Variants in CDK17 observed in about 807,000 individuals in gnomAD.
The protein encoded by CDK17 is cyclin-dependent kinase 17.
A neutral mutation model predicts 77.6 loss-of-function variants in CDK17; 24 were observed. The ratio of observed to expected loss-of-function variants is 0.31; its 90% CI spans 0.22 to 0.44. CDK17 has a LOEUF of 0.44. Ranked by LOEUF, CDK17 falls within the 20% of genes least tolerant of loss-of-function variation. CDK17 has a pLI of 1.00. For missense variants in CDK17, 429 were observed against 622.5 expected (o/e 0.69, Z 3.31); for synonymous variants, 203 against 210.4 (o/e 0.96, Z 0.30).
At chr12:96,332,027 G>A (rs1312837732) in intron 2 of CDK17, among the ~76,000 whole-genome samples, 7 of 152,198 alleles carry the variant, frequency 4.6e-5, no homozygotes, top group Non-Finnish European at 1.0e-4. Flanking sequence ...AGTGATGCCA[G>A]TGATGCCACA....
intron 1 of CDK17, among the ~76,000 whole-genome samples, chr12:96,347,705 C>T (rs941018044): frequency 8.6e-5 from 13 of 150,690 alleles, no homozygotes; most frequent in African/African-American, 3.2e-4. Flanking sequence ...TGTATTAGAC[C>T]TATCAGATAT....
chr12:96,361,653 T>C (rs1305538831), intron 1 of CDK17, among the ~76,000 whole-genome samples: 1 of 152,210 alleles, frequency 6.6e-6, no homozygotes, highest in African/African-American at 2.4e-5. Context: ...AATAACGGTA[T>C]CTATTTTAAT....
chr12:96,360,144 C>T (rs10745759), intron 1 of CDK17, among the ~76,000 whole-genome samples: 130,721 of 152,162 alleles, frequency 0.86, 56,181 homozygotes, highest in African/African-American at 0.87. Context: ...GAGAGGAAAG[C>T]ATACTGCAAT....
intron 1 of CDK17, among the ~76,000 whole-genome samples, chr12:96,362,606 A>T (rs1016391353): frequency 3.9e-5 from 6 of 152,116 alleles, no homozygotes; most frequent in African/African-American, 1.4e-4. Flanking sequence ...TTCATCTGTA[A>T]ATCACCCAAC....
chr12:96,329,587 T>A (rs1465141865), intron 2 of CDK17, among the ~76,000 whole-genome samples: 1 of 152,208 alleles, frequency 6.6e-6, no homozygotes, highest in Non-Finnish European at 1.5e-5. Flanking sequence ...CCTGATCCCA[T>A]TCTAGATCCT....
intron 1 of CDK17, among the ~76,000 whole-genome samples, chr12:96,351,154 G>C (rs1201214705): frequency 1.3e-5 from 2 of 152,128 alleles, no homozygotes; most frequent in African/African-American, 4.8e-5. Context: ...TACCCACTAG[G>C]ATGGCTACTA....
chr12:96,282,646 T>C, intron 14 of CDK17, 47 bp from the exon 15 acceptor site: 2 of 1,293,846 alleles, frequency 1.5e-6, no homozygotes, highest in Non-Finnish European at 2.2e-6. Flanking sequence ...CTCTAATTAC[T>C]GCAAAAAGTA....
At chr12:96,327,395 T>C (rs925305747) in intron 2 of CDK17, among the ~76,000 whole-genome samples, 1 of 152,028 alleles carries the variant, frequency 6.6e-6, no homozygotes, top group African/African-American at 2.4e-5. Context: ...CTAGGGTGGC[T>C]GTACTGAAGA....
chr12:96,290,756 C>A (rs1328698470), intron 10 of CDK17, among the ~76,000 whole-genome samples: 1 of 152,150 alleles, frequency 6.6e-6, no homozygotes, highest in Non-Finnish European at 1.5e-5. Flanking sequence ...CTGTAACATA[C>A]CATATCAAGG....
At chr12:96,396,861 A>C (rs1020522120) in intron 1 of CDK17, among the ~76,000 whole-genome samples, 1 of 152,206 alleles carries the variant, frequency 6.6e-6, no homozygotes, top group Non-Finnish European at 1.5e-5. Context: ...AAATTTTCTA[A>C]AGACTAGGAA....
chr12:96,286,794 T>G, intron 11 of CDK17, 33 bp from the exon 12 acceptor site: 1 of 1,505,158 alleles, frequency 6.6e-7, no homozygotes, highest in Non-Finnish European at 9.2e-7. Context: ...AATTTAGCAA[T>G]TCATTTACAT....
Position 96,279,801 on chromosome 12 carries a change from C to T in CDK17, c.*441G>A, listed in dbSNP as rs533479525. The T allele has an allele frequency of 6.5e-6, 1 of 153,958 alleles. No individual in the cohort carries two copies. Among genetic ancestry groups the T allele is most frequent in the South Asian group, 2.1e-4 (1 of 4,838 alleles). 9.5% of individuals were successfully genotyped at this position (153,958 alleles called of 1,614,324 possible). A position where few individuals can be genotyped will look rare whatever the true frequency, so the allele number is the denominator to read the frequency against. On this transcript the variant is annotated 3_prime_UTR_variant, in exon 17 of 17. Coordinates refer to ENST00000261211, the MANE Select transcript of CDK17 (RefSeq NM_002595.5). ...AAACACTGCAGTTTAATTTTAAAAA[C>T]AAAAAATGCAGCAGTAAAACAATTC...
At chr12:96,335,181 AAT>A (rs1299341014) in intron 1 of CDK17, 2 of 384,474 alleles carry the variant, frequency 5.2e-6, no homozygotes, top group Non-Finnish European at 9.9e-6. Context: ...GTAAAATATC[AAT>A]ATTATTTTGA....
At chr12:96,309,691 G>C (rs1253086494) in intron 5 of CDK17, among the ~76,000 whole-genome samples, 6 of 152,122 alleles carry the variant, frequency 3.9e-5, no homozygotes, top group African/African-American at 7.2e-5. Flanking sequence ...TCACAAAAGA[G>C]AGTATCTAAA....
chr12:96,316,233 T>C (rs1422356240), intron 3 of CDK17, among the ~76,000 whole-genome samples: 1 of 152,002 alleles, frequency 6.6e-6, no homozygotes, highest in Non-Finnish European at 1.5e-5. Flanking sequence ...CACCCGAATA[T>C]TGCGCTTGTC....
intron 5 of CDK17, among the ~76,000 whole-genome samples, chr12:96,305,081 C>T (rs1000033130): frequency 1.3e-5 from 2 of 152,184 alleles, no homozygotes; most frequent in African/African-American, 4.8e-5. Flanking sequence ...ATACCATTAT[C>T]GTAAGGGCAA....
At chr12:96,335,068 G>C in intron 1 of CDK17, 1 of 622,616 alleles carries the variant, frequency 1.6e-6, no homozygotes, top group Non-Finnish European at 3.0e-6. Context: ...ATCATCAGAA[G>C]AGCAGGAATT....
intron 1 of CDK17, among the ~76,000 whole-genome samples, chr12:96,354,938 C>T (rs1465293239): frequency 6.6e-6 from 1 of 152,092 alleles, no homozygotes; most frequent in Non-Finnish European, 1.5e-5. Flanking sequence ...ACCGCAACAC[C>T]TCTGCCCTCC....
chr12:96,389,784 A>T (rs1379753969), intron 1 of CDK17, among the ~76,000 whole-genome samples: 3 of 152,066 alleles, frequency 2.0e-5, no homozygotes. Flanking sequence ...TAAATTTATT[A>T]CTTATAACAC....
Sources: gnomAD v4.1 joint callset for allele counts (sites outside exome capture counted in the v4.1 genomes callset) on GRCh38, gnomAD v4.1.1 for gene constraint, MANE v1.5 for transcripts, NCBI Gene and HGNC (gene_info 2026-07-23, HGNC 2026-07-21) for gene names.